Variants in STX1A observed in about 807,000 individuals in gnomAD.
STX1A encodes the protein syntaxin-1A.
STX1A carries 4 observed loss-of-function variants against 37.8 expected under a neutral mutation model. That is an observed-to-expected ratio of 0.11 (90% confidence interval 0.05 to 0.24). STX1A has a LOEUF of 0.24. STX1A is among the 10% of genes least tolerant of loss of function. The pLI is 1.00. For synonymous variants in STX1A, 135 were observed against 147.4 expected, an observed-to-expected ratio of 0.92 and a Z score of 0.61; for missense variants, 251 against 399.9, an observed-to-expected ratio of 0.63 and a Z score of 3.18.
intron 5 of STX1A, 38 bp from the exon 6 acceptor site, chr7:73,704,294 G>C: frequency 6.2e-7 from 1 of 1,613,864 alleles, no homozygotes; most frequent in Non-Finnish European, 8.5e-7. Flanking sequence ...GTCAGGCCCT[G>C]CGGGGACCGA....
intron 1 of STX1A, among the ~76,000 whole-genome samples, chr7:73,713,788 G>T (rs1339020326): frequency 6.6e-6 from 1 of 152,188 alleles, no homozygotes; most frequent in Non-Finnish European, 1.5e-5. Context: ...AGCTCCCTTG[G>T]GGATCTACCA....
At chr7:73,712,285 T>C (rs978544157) in intron 1 of STX1A, among the ~76,000 whole-genome samples, 1 of 151,730 alleles carries the variant, frequency 6.6e-6, no homozygotes, top group African/African-American at 2.4e-5. Flanking sequence ...CCAGCTCTGC[T>C]CTTTATCCTG....
Position 73,699,744 on chromosome 7 carries a change from C to G in STX1A, c.*663G>C, listed in dbSNP as rs1297786752. The stretch of plus-strand genomic sequence containing the variant: ...GAAATAGGGCACCAGCCAGCCCCTT[C>G]CAGAGGGACACCTGGGGTCAGACCT... On this transcript the variant is annotated 3_prime_UTR_variant, in exon 10 of 10. Transcript: ENST00000222812. 1 of 153,706 alleles carries G rather than the reference C, an allele frequency of 6.5e-6. No individual in the cohort carries two copies. The highest frequency in any genetic ancestry group is 1.5e-5 in the Non-Finnish European group (1 of 68,930). The allele number at this position is 153,706 out of a possible 1,614,324, so 9.5% of individuals were successfully genotyped here.
At chr7:73,711,768 G>A (rs1247018402) in intron 1 of STX1A, among the ~76,000 whole-genome samples, 1 of 152,036 alleles carries the variant, frequency 6.6e-6, no homozygotes, top group Non-Finnish European at 1.5e-5. Flanking sequence ...GGTGGATGGA[G>A]AATTATCCAG....
intron 3 of STX1A, among the ~76,000 whole-genome samples, chr7:73,707,987 TG>T (rs1358988006): frequency 1.3e-5 from 2 of 148,668 alleles, no homozygotes; most frequent in Non-Finnish European, 3.0e-5. Context: ...CCAGTTCGGC[TG>T]GGCGCGGTGG....
chr7:73,712,096 C>G (rs1352752552), intron 1 of STX1A, among the ~76,000 whole-genome samples: 1 of 152,010 alleles, frequency 6.6e-6, no homozygotes, highest in Non-Finnish European at 1.5e-5. Flanking sequence ...GCACGCAGGT[C>G]AAGTCTACCC....
chr7:73,710,094 G>T (rs1431499850), intron 1 of STX1A, among the ~76,000 whole-genome samples: 4 of 152,200 alleles, frequency 2.6e-5, no homozygotes, highest in African/African-American at 7.2e-5. Flanking sequence ...CCTGGGCCCA[G>T]CAGGCACAAG....
rs1281858192 is a variant in STX1A at position 73,717,744 on chromosome 7, T to A, written c.30+1858A>T. Among the ~76,000 whole-genome samples, 3 of 152,060 alleles carry A rather than the reference T, an allele frequency of 2.0e-5. No individual in the cohort carries two copies. The highest frequency in any genetic ancestry group is 3.2e-3 in the Middle Eastern group (1 of 316). On this transcript the variant is annotated intron_variant, in intron 1 of 9. Transcript: ENST00000222812. The surrounding 1 kb of genome is among the most constrained non-coding windows in gnomAD (Gnocchi z 4.1). ...TTCAAAGCAAAGCCTGGCTTCACCA[T>A]CTAATCAGGGGGCGAGGAGGTAGTA...
chr7:73,718,807 C>T (rs1012483598), intron 1 of STX1A, among the ~76,000 whole-genome samples: 1 of 152,056 alleles, frequency 6.6e-6, no homozygotes, highest in Non-Finnish European at 1.5e-5. Flanking sequence ...CCTACTCCCC[C>T]CAAACCCCGC....
In STX1A at chr7:73,700,056, G is replaced by T. The variant is rs2116721673; in HGVS notation, c.*351C>A. 1 of 376,976 alleles carries T rather than the reference G, an allele frequency of 2.7e-6. No individual in the cohort carries two copies. The highest frequency in any genetic ancestry group is 5.8e-5 in the East Asian group (1 of 17,354). 23.4% of individuals were successfully genotyped at this position (376,976 alleles called of 1,614,324 possible). A position where few individuals can be genotyped will look rare whatever the true frequency, so the allele number is the denominator to read the frequency against. ...GCAGGTCAGCTGGAGGCGAGGTTAG[G>T]GTCCCCAGGGAAGAGCAGAACCTGG... On this transcript the variant is annotated 3_prime_UTR_variant, in exon 10 of 10. Transcript: ENST00000222812. The surrounding 1 kb of genome is among the most constrained non-coding windows in gnomAD (Gnocchi z 4.4).
intron 4 of STX1A, 74 bp from the exon 5 acceptor site, chr7:73,704,497 T>G: frequency 6.3e-7 from 1 of 1,574,892 alleles, no homozygotes; most frequent in East Asian, 2.3e-5. Flanking sequence ...ACCCAGCATC[T>G]ATCCACCTTC....
In STX1A at chr7:73,709,021, A is replaced by G; in HGVS notation, c.108+24T>C. The G allele has an allele frequency of 3.1e-6, 5 of 1,613,392 alleles. No homozygotes were observed. Among genetic ancestry groups the G allele is most frequent in the Non-Finnish European group, 4.2e-6 (5 of 1,179,424 alleles). ...CCCCAAGTTCTGCCAGTGTGCGGGA[A>G]GGGTGGGGTGTGCTGGCTCCCACCT... On this transcript the variant is annotated intron_variant, in intron 2 of 9. Transcript: ENST00000222812. The surrounding 1 kb of genome is among the most constrained non-coding windows in gnomAD (Gnocchi z 4.2).
At chr7:73,703,723 G>A (rs1490970449) in intron 7 of STX1A, 32 bp downstream of exon 7, 1 of 1,605,650 alleles carries the variant, frequency 6.2e-7, no homozygotes, top group Admixed American at 1.7e-5. Context: ...TGGTGAGGGG[G>A]TCATGGCAGG....
rs1799424214 is a variant in STX1A, at chr7:73,719,607, G to A, written c.25C>T (p.Arg9Cys). MKDRTQEL[R>C]TAKDSDDDDD... Reference sequence around the variant, plus strand: ...CGCGCTGGGGCCGGACTCACCGTGCGGAGCTCCTGGGTTCGGTCCTTCATG... The same window carrying A: ...CGCGCTGGGGCCGGACTCACCGTGCAGAGCTCCTGGGTTCGGTCCTTCATG... Residue 9 changes from arginine (R) to cysteine (C), a missense_variant, in exon 1 of 10, where the codon CGC (arginine) becomes TGC (cysteine). This residue lies in a region of STX1A where 37 missense variants were observed against 32.3 expected (regional missense o/e 1.15). Transcript: ENST00000222812. 2 of 1,206,236 alleles carry A rather than the reference G, an allele frequency of 1.7e-6. No individual in the cohort carries two copies. The highest frequency in any genetic ancestry group is 1.0e-6 in the Non-Finnish European group (1 of 966,256). The allele number at this position is 1,206,236 out of a possible 1,614,324, so 74.7% of individuals were successfully genotyped here.
chr7:73,713,262 C>T (rs2116767411), intron 1 of STX1A, among the ~76,000 whole-genome samples: 1 of 152,320 alleles, frequency 6.6e-6, no homozygotes, highest in East Asian at 1.9e-4. Flanking sequence ...GGAATCAGTT[C>T]TCATTGGACA....
chr7:73,700,276 G>A lies in STX1A; in HGVS notation c.*131C>T. 1.2e-6 allele frequency: 1 copy of A among 805,108 alleles called. No homozygotes were observed. Among genetic ancestry groups the A allele is most frequent in the African/African-American group, 1.7e-5 (1 of 59,288 alleles). 49.9% of individuals were successfully genotyped at this position (805,108 alleles called of 1,614,324 possible). ...GACGGAGGGCCCATGGCAGAGAAGG[G>A]AGCATGGGGGCCGGGAGGGAGGGTG... is the stretch of plus-strand genomic sequence containing the variant. On this transcript the variant is annotated 3_prime_UTR_variant, in exon 10 of 10. Coordinates refer to ENST00000222812, the MANE Select transcript of STX1A (RefSeq NM_004603.4). This position sits in a 1 kb window ranked among gnomAD's most constrained non-coding sequence, Gnocchi z 4.4.
At chr7:73,708,497 A>G (rs1798968145) in intron 3 of STX1A, 92 bp downstream of exon 3, 1 of 1,243,622 alleles carries the variant, frequency 8.0e-7, no homozygotes, top group Non-Finnish European at 1.1e-6. Context: ...ACCAGCCATG[A>G]AGGCTGCAGA....
intron 3 of STX1A, among the ~76,000 whole-genome samples, chr7:73,707,050 T>C (rs782352943): frequency 2.6e-5 from 4 of 152,144 alleles, no homozygotes; most frequent in African/African-American, 4.8e-5. Context: ...AAGATGCCAG[T>C]GGGCTTGGGG....
At chr7:73,703,176 A>C (rs1375754849) in intron 7 of STX1A, among the ~76,000 whole-genome samples, 194 bp from the exon 8 acceptor site, 2 of 152,194 alleles carry the variant, frequency 1.3e-5, no homozygotes, top group African/African-American at 4.8e-5. Context: ...TCTGCAAGCC[A>C]ATCTCCTACC....
Sources: allele counts gnomAD v4.1 joint callset (sites outside exome capture counted in the v4.1 genomes callset), GRCh38; gene constraint gnomAD v4.1.1; regional missense constraint gnomAD v4.1.1; non-coding constraint Gnocchi (gnomAD v3.1); transcripts MANE v1.5; gene names NCBI Gene and HGNC (gene_info 2026-07-23, HGNC 2026-07-21).